The following GRPEL1 variants were observed in gnomAD, a reference collection of about 807,000 sequenced individuals.
GRPEL1 encodes GrpE like 1, mitochondrial, also known as grpE protein homolog 1, mitochondrial.
In GRPEL1, 13 loss-of-function variants were observed where a neutral mutation model predicts 22.1. That is an observed-to-expected ratio of 0.59 (90% confidence interval 0.38 to 0.94). The LOEUF is 0.94. GRPEL1 is among the 40% of genes least tolerant of loss of function. The probability of loss-of-function intolerance (pLI) is 0.00; values close to 1 mark genes in which losing one functional copy is unlikely to be tolerated. For synonymous variants in GRPEL1, 109 were observed against 105.3 expected, an observed-to-expected ratio of 1.03 and a Z score of -0.21; for missense variants, 289 against 264.6, an observed-to-expected ratio of 1.09 and a Z score of -0.64.
chr4:7,061,286 G>GA, intron 3 of GRPEL1, 78 bp from the exon 4 acceptor site: 1 of 1,094,346 alleles, frequency 9.1e-7, no homozygotes, highest in Non-Finnish European at 1.3e-6. Flanking sequence ...CTGCTGACCT[G>GA]ATGTGGAGGC....
At chr4:7,061,530 G>A (rs903780976) in intron 3 of GRPEL1, 16 of 285,060 alleles carry the variant, frequency 5.6e-5, no homozygotes, top group African/African-American at 2.9e-4. Context: ...CGGAAGATCC[G>A]AGTTTGAAGC....
intron 1 of GRPEL1, among the ~76,000 whole-genome samples, chr4:7,065,853 C>A (rs989865633): frequency 8.7e-6 from 1 of 115,054 alleles, no homozygotes; most frequent in African/African-American, 2.9e-5. Context: ...GACCAGAGGA[C>A]CTCTTTTTTT....
At chr4:7,061,748 C>G (rs1724045686) in intron 3 of GRPEL1, 1 of 155,794 alleles carries the variant, frequency 6.4e-6, no homozygotes, top group Admixed American at 6.2e-5. Context: ...AAAAGTGTTT[C>G]AATGAGCGCC....
Position 7,060,888 on chromosome 4 carries a change from G to C in GRPEL1, c.628C>G (p.Leu210Val), listed in dbSNP as rs142202412. 1.2e-6 allele frequency: 2 copies of C among 1,613,520 alleles called. No individual in the cohort carries two copies. Among genetic ancestry groups the C allele is most frequent in the Non-Finnish European group, 1.7e-6 (2 of 1,179,738 alleles). The change falls in exon 4 of 4, where the codon CTG becomes GTG. Residue 210 changes from leucine to valine, a missense_variant. Leu to Val is a conservative substitution (Grantham distance 32). Coordinates refer to ENST00000264954, the MANE Select transcript of GRPEL1 (RefSeq NM_025196.4). Reference protein sequence around the residue: ...KLHGRTLRPALVGVVKEA With the variant: ...KLHGRTLRPAVVGVVKEA ...TAAGCTTCCTTCACCACCCCCACCA[G>C]GGCGGGTCTCAGAGTGCGCCCATGC...
rs567889247 is a variant in GRPEL1, at chr4:7,060,456, A to G, written c.*406T>C. On this transcript the variant is annotated 3_prime_UTR_variant, in exon 4 of 4. Transcript: ENST00000264954. ...TTCAGCGAATGAAATGTGACGGGCT[A>G]AATACGCCAGTCACTCATGCGCCGC... The G allele has an allele frequency of 9.9e-5, 17 of 170,904 alleles. No homozygotes were observed. In the East Asian group the frequency reaches 2.7e-3, roughly 27 times the overall value. 10.6% of individuals were successfully genotyped at this position (170,904 alleles called of 1,614,324 possible).
rs1483139269 is a variant in GRPEL1, at chr4:7,068,053, G to T, written c.-21C>A. On this transcript the variant is annotated 5_prime_UTR_variant, in exon 1 of 4. It adds an upstream start codon to the 5' untranslated region. Transcript: ENST00000264954. ...GCCATGACTGCCACTGCCCGTCGCA[G>T]TCGCCGCGCACGCACCAAGCGTGCG... 6.2e-7 allele frequency: 1 copy of T among 1,611,586 alleles called. No individual in the cohort carries two copies. The highest frequency in any genetic ancestry group is 1.7e-5 in the Admixed American group (1 of 59,776).
Position 7,067,966 on chromosome 4 carries a change from C to T in GRPEL1, c.62+5G>A, listed in dbSNP as rs576133528. 5.6e-6 allele frequency: 9 copies of T among 1,613,432 alleles called. No individual in the cohort carries two copies. In the Admixed American group the frequency reaches 1.0e-4, roughly 18 times the overall value. On this transcript the variant is annotated splice_donor_5th_base_variant and intron_variant, in intron 1 of 3. Transcript: ENST00000264954. ...CTCCACCCAGGGAGACCAAGTGCCCCTTACCTGAGAGACAACGCCAAAGCA... is the reference window on the plus strand; with the variant it reads ...CTCCACCCAGGGAGACCAAGTGCCCTTTACCTGAGAGACAACGCCAAAGCA...
Position 7,061,129 on chromosome 4 carries a change from T to G in GRPEL1, c.387A>C (p.Glu129Asp). The change falls in exon 4 of 4, where the codon GAA becomes GAC. Residue 129 changes from glutamate (E) to aspartate (D), a missense_variant. Transcript: ENST00000264954. ...TCAGGTGAGGGTTATCGTCTTTAAT[T>G]TCTTCTTTTGGAACACACTGTGTTG... The part of the protein sequence containing the change: ...EKATQCVPKE[E>D]IKDDNPHLKN... 4 of 1,614,188 alleles carry G rather than the reference T, an allele frequency of 2.5e-6. No homozygotes were observed. The highest frequency in any genetic ancestry group is 3.4e-6 in the Non-Finnish European group (4 of 1,180,042).
intron 1 of GRPEL1, among the ~76,000 whole-genome samples, chr4:7,065,131 G>C (rs1311162998): frequency 5.9e-5 from 9 of 152,164 alleles, no homozygotes; most frequent in Admixed American, 5.9e-4. Flanking sequence ...AGTGAGGCTG[G>C]CCTACTGCTG....
At chr4:7,066,663 G>A (rs1252448183) in intron 1 of GRPEL1, among the ~76,000 whole-genome samples, 3 of 152,194 alleles carry the variant, frequency 2.0e-5, no homozygotes, top group Non-Finnish European at 4.4e-5. Context: ...GGGTGTGACA[G>A]CCACCAGCCT....
At chr4:7,065,146 T>C (rs973171291) in intron 1 of GRPEL1, among the ~76,000 whole-genome samples, 13 of 152,156 alleles carry the variant, frequency 8.5e-5, no homozygotes, top group Admixed American at 2.0e-4. Flanking sequence ...CTGCTGATCC[T>C]GATGACAAAG....
At chr4:7,061,572 TAAGAGTATGTAAGTCA>T (rs1418103918) in intron 3 of GRPEL1, 3 of 221,724 alleles carry the variant, frequency 1.4e-5, no homozygotes, top group Non-Finnish European at 2.7e-5. Flanking sequence ...ACTAAGCCCG[TAAGAGTATGTAAGTCA>T]CCCAGGGAGC....
rs1162429274 is a variant in GRPEL1 at position 7,067,972 on chromosome 4, T to C, written c.61A>G (p.Arg21Gly). 2 of 1,613,452 alleles carry C rather than the reference T, an allele frequency of 1.2e-6. No individual in the cohort carries two copies. ...RSLPALALSL[R>G]PSPRLLCTAT... ...CCAGGGAGACCAAGTGCCCCTTACC[T>C]GAGAGACAACGCCAAAGCAGGAAGA... Residue 21 changes from arginine to glycine, a missense_variant and splice_region_variant, in exon 1 of 4, where the codon AGG (arginine) becomes GGG (glycine). Physicochemically the swap from Arg to Gly is moderately radical, Grantham distance 125. Transcript: ENST00000264954.
At chr4:7,067,658 C>G (rs1724203716) in intron 1 of GRPEL1, 2 of 420,482 alleles carry the variant, frequency 4.8e-6, no homozygotes, top group South Asian at 8.1e-5. Context: ...GCGCGCGAGG[C>G]GTCGCCGCAG....
At chr4:7,066,290 C>T (rs983300492) in intron 1 of GRPEL1, among the ~76,000 whole-genome samples, 1 of 152,154 alleles carries the variant, frequency 6.6e-6, no homozygotes, top group Admixed American at 6.5e-5. Context: ...TGTTTGTCAG[C>T]GAGCAAATGG....
chr4:7,060,786 C>T lies in GRPEL1; in HGVS notation c.*76G>A, dbSNP rs556140262. 2.3e-6 allele frequency: 3 copies of T among 1,305,306 alleles called. No individual in the cohort carries two copies. The highest frequency in any genetic ancestry group is 1.4e-5 in the South Asian group (1 of 72,226). 80.9% of individuals were successfully genotyped at this position (1,305,306 alleles called of 1,614,324 possible). ...GGTTTGGGAAAAGGTCACACGTACTCATAGATGAGAAACAATGAACCAGCC... is the reference window on the plus strand; with the variant it reads ...GGTTTGGGAAAAGGTCACACGTACTTATAGATGAGAAACAATGAACCAGCC... On this transcript the variant is annotated 3_prime_UTR_variant, in exon 4 of 4. Coordinates refer to ENST00000264954, the MANE Select transcript of GRPEL1 (RefSeq NM_025196.4).
rs1240523249 is a variant in GRPEL1 at position 7,064,043 on chromosome 4, G to A, written c.225+18C>T. 1.2e-6 allele frequency: 2 copies of A among 1,609,140 alleles called. No individual in the cohort carries two copies. The highest frequency in any genetic ancestry group is 1.1e-5 in the South Asian group (1 of 90,614). On this transcript the variant is annotated intron_variant, in intron 2 of 3. Transcript: ENST00000264954. ...AGTTCAGCCGAGCCCGCCCCCACAG[G>A]AGCCTCACAGTCCTCACCACAGTCT...
chr4:7,060,993 G>C lies in GRPEL1; in HGVS notation c.523C>G (p.His175Asp). 6.2e-7 allele frequency: 1 copy of C among 1,614,190 alleles called. No individual in the cohort carries two copies. The highest frequency in any genetic ancestry group is 2.2e-5 in the East Asian group (1 of 44,870). The change falls in exon 4 of 4, where the codon CAT becomes GAT. Residue 175 changes from histidine to aspartate, a missense_variant. By Grantham distance (81) the His-to-Asp change is moderately conservative. Transcript: ENST00000264954. ...ACCGGTGTGTGGAACAAGGCCTCAT[G>C]TTCATAAGGGTCGAACTTGGCTCCG... The part of the protein sequence containing the change: ...PVGAKFDPYE[H>D]EALFHTPVEG...
chr4:7,065,075 A>T (rs763447277), intron 1 of GRPEL1, among the ~76,000 whole-genome samples: 3 of 152,234 alleles, frequency 2.0e-5, no homozygotes, highest in Non-Finnish European at 4.4e-5. Context: ...TGACTGAGAC[A>T]GTCTGCCCAG....
Sources: gnomAD v4.1 joint callset for allele counts (sites outside exome capture counted in the v4.1 genomes callset) on GRCh38, gnomAD v4.1.1 for gene constraint, MANE v1.5 for transcripts, NCBI Gene and HGNC (gene_info 2026-07-23, HGNC 2026-07-21) for gene names.